The following NTRK2 variants were observed in gnomAD, a reference collection of about 807,000 sequenced individuals.
The protein encoded by NTRK2 is neurotrophic receptor tyrosine kinase 2, also known as BDNF/NT-3 growth factors receptor.
In NTRK2, 13 loss-of-function variants were observed where a neutral mutation model predicts 94.5. The observed-to-expected ratio is 0.14, with a 90% confidence interval of 0.09 to 0.22. The LOEUF (loss-of-function observed/expected upper bound fraction) is 0.22. Among genes scored for constraint, NTRK2 ranks in the 10% least tolerant of loss-of-function variants. The pLI, the probability that NTRK2 is intolerant of heterozygous loss-of-function variation, is 1.00. For missense variants in NTRK2, 639 were observed against 1,071.2 expected, an observed-to-expected ratio of 0.60 and a Z score of 5.63; for synonymous variants, 372 against 407.4, an observed-to-expected ratio of 0.91 and a Z score of 1.05.
chr9:84,705,533 C>T (rs1186504542), intron 4 of NTRK2, among the ~76,000 whole-genome samples: 1 of 152,178 alleles, frequency 6.6e-6, no homozygotes, highest in Non-Finnish European at 1.5e-5. Context: ...GCTGGCAGCC[C>T]CACAGAGGCA....
At chr9:84,787,416 C>T (rs2068237649) in intron 12 of NTRK2, among the ~76,000 whole-genome samples, 3 of 152,068 alleles carry the variant, frequency 2.0e-5, no homozygotes, top group African/African-American at 2.4e-5. Flanking sequence ...ACTCTAGACC[C>T]GGGGGACATG....
chr9:84,753,163 TTAAAATAA>T (rs2064787922), intron 12 of NTRK2, among the ~76,000 whole-genome samples: 1 of 152,112 alleles, frequency 6.6e-6, no homozygotes, highest in Non-Finnish European at 1.5e-5. Context: ...AAATTGGGGC[TTAAAATAA>T]CTCAAAAAAC....
Position 84,798,649 on chromosome 9 carries a change from G to A in NTRK2, c.1396+46564G>A, listed in dbSNP as rs184910576. ...ATTTCCTTTCTTCACAAAAGTTCCC[G>A]GATACAGTGATAAGACAGCCTATTT... On this transcript the variant is annotated intron_variant, in intron 12 of 18. Coordinates refer to ENST00000277120, the MANE Select transcript of NTRK2 (RefSeq NM_006180.6). Among the ~76,000 whole-genome samples the A allele has an allele frequency of 4.0e-4, 61 of 152,208 alleles. 1 individual carries two copies. The East Asian group carries it at 6.6e-3, about 16-fold the overall frequency.
At chr9:84,981,963 A>G (rs1039062037) in intron 17 of NTRK2, among the ~76,000 whole-genome samples, 2 of 152,226 alleles carry the variant, frequency 1.3e-5, no homozygotes, top group African/African-American at 2.4e-5. Context: ...GGAAGAACTA[A>G]CCAAGGGATT....
At chr9:84,950,934 C>T (rs1051706540) in intron 16 of NTRK2, among the ~76,000 whole-genome samples, 2 of 152,176 alleles carry the variant, frequency 1.3e-5, no homozygotes, top group African/African-American at 4.8e-5. Context: ...CTGTCTGCCT[C>T]TCATTTCCAT....
chr9:84,698,372 C>G (rs536266931), intron 2 of NTRK2, among the ~76,000 whole-genome samples: 1 of 137,956 alleles, frequency 7.2e-6, no homozygotes, highest in Admixed American at 7.7e-5. Context: ...ATATGTAGAT[C>G]TGATTTAATC....
In NTRK2 at chr9:85,025,166, T is replaced by G. The variant is rs373100569; in HGVS notation, c.*3729T>G. ...CAGTACTGCATGGGTGGAAGACATA[T>G]TTAAGATAATGTGCTTCCCAAAACA... On this transcript the variant is annotated 3_prime_UTR_variant, in exon 19 of 19. Transcript: ENST00000277120. 1 of 233,044 alleles carries G rather than the reference T, an allele frequency of 4.3e-6. No individual in the cohort carries two copies. 14.4% of individuals were successfully genotyped at this position (233,044 alleles called of 1,614,324 possible). A position where few individuals can be genotyped will look rare whatever the true frequency, so the allele number is the denominator to read the frequency against.
At chr9:84,689,591 ATCCTTTTTTTAAAAAAAAGAATTGTAG>A (rs1385444795) in intron 2 of NTRK2, among the ~76,000 whole-genome samples, 1 of 152,028 alleles carries the variant, frequency 6.6e-6, no homozygotes, top group African/African-American at 2.4e-5. Context: ...TAGACATCTT[ATCCTTTTTTTAAAAAAAAGAATTGTAG>A]TGAAACACAC....
chr9:84,701,294 A>G (rs540104522), intron 2 of NTRK2, among the ~76,000 whole-genome samples: 1 of 152,272 alleles, frequency 6.6e-6, no homozygotes, highest in East Asian at 1.9e-4. Flanking sequence ...TCATTCTTGG[A>G]CAGTCTATTT....
chr9:84,827,404 A>G (rs1370946069), intron 12 of NTRK2, among the ~76,000 whole-genome samples: 1 of 152,218 alleles, frequency 6.6e-6, no homozygotes, highest in Non-Finnish European at 1.5e-5. Flanking sequence ...TACTGTCTTC[A>G]GGGAGCTTAT....
At chr9:84,746,316 G>A (rs1421975376) in intron 11 of NTRK2, among the ~76,000 whole-genome samples, 3 of 152,142 alleles carry the variant, frequency 2.0e-5, no homozygotes, top group African/African-American at 4.8e-5. Flanking sequence ...CTTGTGCTCC[G>A]ATGGGGGTGG....
chr9:84,832,063 G>A (rs1467854251), intron 12 of NTRK2, among the ~76,000 whole-genome samples: 5 of 152,200 alleles, frequency 3.3e-5, no homozygotes, highest in Non-Finnish European at 7.3e-5. Flanking sequence ...ACGAAGAGGT[G>A]TTAGGGTTTT....
chr9:84,812,150 T>A lies in NTRK2; in HGVS notation c.1397-48890T>A, dbSNP rs532590136. The A allele has an allele frequency of 1.1e-5, 12 of 1,058,882 alleles. No homozygotes were observed. The Admixed American group carries it at 3.2e-4, about 29-fold the overall frequency. 65.6% of individuals were successfully genotyped at this position (1,058,882 alleles called of 1,614,324 possible). ...AGTCCAACACAGTCAGAAACATTGTTTTGAATCCTCTGTAAACCAAGGCAT... is the reference window on the plus strand; with the variant it reads ...AGTCCAACACAGTCAGAAACATTGTATTGAATCCTCTGTAAACCAAGGCAT... On this transcript the variant is annotated intron_variant, in intron 12 of 18. Transcript: ENST00000277120.
At chr9:84,697,113 G>A (rs1445966952) in intron 2 of NTRK2, among the ~76,000 whole-genome samples, 1 of 152,146 alleles carries the variant, frequency 6.6e-6, no homozygotes, top group African/African-American at 2.4e-5. Flanking sequence ...AGTACCAAAT[G>A]AAACAAAAAA....
chr9:84,793,962 C>G (rs2069000335), intron 12 of NTRK2, among the ~76,000 whole-genome samples: 1 of 152,208 alleles, frequency 6.6e-6, no homozygotes, highest in East Asian at 1.9e-4. Flanking sequence ...TTATCTGGCC[C>G]TTTGCAGAAA....
chr9:84,706,175 G>A (rs565077037), intron 4 of NTRK2, among the ~76,000 whole-genome samples: 1 of 152,270 alleles, frequency 6.6e-6, no homozygotes, highest in African/African-American at 2.4e-5. Flanking sequence ...TTTCATGTGG[G>A]TGAGCACTTT....
At chr9:84,907,878 A>G (rs1001186673) in intron 14 of NTRK2, among the ~76,000 whole-genome samples, 1 of 152,218 alleles carries the variant, frequency 6.6e-6, no homozygotes, top group African/African-American at 2.4e-5. Flanking sequence ...AAATTCTTAC[A>G]TAAAGGTCAG....
At chr9:84,757,441 C>T (rs796916576) in intron 12 of NTRK2, among the ~76,000 whole-genome samples, 3 of 152,242 alleles carry the variant, frequency 2.0e-5, no homozygotes, top group Admixed American at 6.5e-5. Context: ...ATTTGCCTTG[C>T]GGATTTTTCT....
intron 6 of NTRK2, among the ~76,000 whole-genome samples, chr9:84,722,505 A>T (rs1388234357): frequency 6.6e-6 from 1 of 151,906 alleles, no homozygotes; most frequent in Non-Finnish European, 1.5e-5. Context: ...GCCTTCTTTG[A>T]CCTCCAGGTT....
Sources: allele counts gnomAD v4.1 joint callset (sites outside exome capture counted in the v4.1 genomes callset), GRCh38; gene constraint gnomAD v4.1.1; transcripts MANE v1.5; gene names NCBI Gene and HGNC (gene_info 2026-07-23, HGNC 2026-07-21).